Variants in PRICKLE1 observed in about 807,000 individuals in gnomAD.
PRICKLE1 encodes prickle planar cell polarity protein 1.
A neutral mutation model predicts 70.2 loss-of-function variants in PRICKLE1; 14 were observed. That is an observed-to-expected ratio of 0.20 (90% CI 0.13 to 0.31). PRICKLE1 has a LOEUF of 0.31. PRICKLE1 is among the 10% of genes least tolerant of loss of function. PRICKLE1 has a pLI of 1.00. For missense variants in PRICKLE1, 821 were observed against 1,026.2 expected, an observed-to-expected ratio of 0.80 and a Z score of 2.73; for synonymous variants, 357 against 379.9, an observed-to-expected ratio of 0.94 and a Z score of 0.70.
At chr12:42,495,366 G>C (rs1429917170) in intron 1 of PRICKLE1, among the ~76,000 whole-genome samples, 2 of 132,814 alleles carry the variant, frequency 1.5e-5, no homozygotes, top group Admixed American at 8.0e-5. Flanking sequence ...AAGTGACAAA[G>C]CCAGACCTTG....
At chr12:42,549,555 C>T (rs1395873358) in intron 1 of PRICKLE1, among the ~76,000 whole-genome samples, 2 of 152,150 alleles carry the variant, frequency 1.3e-5, no homozygotes, top group African/African-American at 4.8e-5. Flanking sequence ...AGGCACCACA[C>T]ATTCCCTATC....
At chr12:42,480,477 T>TAAGC (rs1938754504) in intron 1 of PRICKLE1, among the ~76,000 whole-genome samples, 1 of 152,222 alleles carries the variant, frequency 6.6e-6, no homozygotes, top group African/African-American at 2.4e-5. Flanking sequence ...ACTTCTCCTA[T>TAAGC]AAGCACAGTA....
intron 1 of PRICKLE1, among the ~76,000 whole-genome samples, chr12:42,500,195 T>C (rs1391489173): frequency 6.6e-6 from 1 of 152,192 alleles, no homozygotes; most frequent in Non-Finnish European, 1.5e-5. Context: ...GGCCAAAACA[T>C]AGGGGACCCT....
intron 1 of PRICKLE1, among the ~76,000 whole-genome samples, chr12:42,563,425 C>T (rs1472826409): frequency 2.0e-5 from 3 of 151,006 alleles, no homozygotes; most frequent in South Asian, 2.1e-4. Context: ...TTTGGCCGGG[C>T]GTGGTGGGTC....
rs573853861 is a variant in PRICKLE1 at position 42,548,986 on chromosome 12, G to A, written c.-49+40479C>T. On this transcript the variant is annotated intron_variant, in intron 1 of 7. Transcript: ENST00000345127. ...AAATACAAAAATTAGCTGTGTGATA[G>A]CTTGTGCCTATATTCCCAGCTATTT... Among the ~76,000 whole-genome samples the A allele has an allele frequency of 1.9e-4, 29 of 151,392 alleles. No individual in the cohort carries two copies. The East Asian group carries it at 5.6e-3, about 29-fold the overall frequency.
intron 5 of PRICKLE1, 97 bp from the exon 6 acceptor site, chr12:42,466,477 A>T (rs1938102088): frequency 9.6e-7 from 1 of 1,046,192 alleles, no homozygotes; most frequent in South Asian, 1.3e-5. Context: ...ATGGACAGAC[A>T]CTGGCTCTTA....
intron 1 of PRICKLE1, among the ~76,000 whole-genome samples, chr12:42,582,299 C>G (rs557701279): frequency 6.6e-6 from 1 of 152,222 alleles, no homozygotes; most frequent in African/African-American, 2.4e-5. Context: ...ATCACTTCAG[C>G]TCCTTTCTCA....
At chr12:42,579,823 T>C (rs1337003142) in intron 1 of PRICKLE1, among the ~76,000 whole-genome samples, 1 of 151,416 alleles carries the variant, frequency 6.6e-6, no homozygotes, top group Non-Finnish European at 1.5e-5. Context: ...TCAAGTAAAG[T>C]AGGTATCATA....
intron 1 of PRICKLE1, among the ~76,000 whole-genome samples, chr12:42,532,253 T>C (rs1939931372): frequency 6.6e-6 from 1 of 152,246 alleles, no homozygotes; most frequent in Non-Finnish European, 1.5e-5. Context: ...ATCAGAGATA[T>C]GTAAAAAACA....
intron 1 of PRICKLE1, among the ~76,000 whole-genome samples, chr12:42,517,991 C>T (rs1939639626): frequency 6.6e-6 from 1 of 151,854 alleles, no homozygotes; most frequent in Non-Finnish European, 1.5e-5. Flanking sequence ...CCAAAGATAA[C>T]ATAATTTAAG....
At chr12:42,501,561 C>A (rs1229264391) in intron 1 of PRICKLE1, among the ~76,000 whole-genome samples, 3 of 142,948 alleles carry the variant, frequency 2.1e-5, no homozygotes, top group African/African-American at 7.6e-5. Context: ...AATTCCTATA[C>A]AAGCAACATT....
chr12:42,499,003 A>G (rs1307363952), intron 1 of PRICKLE1, among the ~76,000 whole-genome samples: 1 of 152,172 alleles, frequency 6.6e-6, no homozygotes, highest in African/African-American at 2.4e-5. Flanking sequence ...TATGTATTAG[A>G]ATTCTGAGTC....
chr12:42,572,483 T>G (rs933476704), intron 1 of PRICKLE1, among the ~76,000 whole-genome samples: 1 of 151,770 alleles, frequency 6.6e-6, no homozygotes, highest in South Asian at 2.1e-4. Flanking sequence ...TAAAAATACT[T>G]GTTTTTAAAA....
At chr12:42,469,825 T>C in intron 3 of PRICKLE1, 1 of 529,920 alleles carries the variant, frequency 1.9e-6, no homozygotes, top group South Asian at 2.1e-5. Flanking sequence ...AAAACCCTTA[T>C]CAACACAGAA....
intron 1 of PRICKLE1, among the ~76,000 whole-genome samples, chr12:42,520,498 T>C (rs901552984): frequency 9.2e-5 from 14 of 152,316 alleles, no homozygotes; most frequent in South Asian, 2.1e-4. Context: ...TTTACTGCAC[T>C]GAGTTGCGAT....
intron 1 of PRICKLE1, among the ~76,000 whole-genome samples, chr12:42,585,178 G>C (rs193296703): frequency 1.4e-4 from 22 of 152,312 alleles, no homozygotes; most frequent in African/African-American, 5.1e-4. Context: ...AAACTTAGGG[G>C]AGAAGAAAGT....
intron 1 of PRICKLE1, among the ~76,000 whole-genome samples, chr12:42,519,983 T>C (rs1939680859): frequency 6.6e-6 from 1 of 152,148 alleles, no homozygotes; most frequent in Non-Finnish European, 1.5e-5. Context: ...GCTTTGAGTG[T>C]TTTAACGGTA....
At chr12:42,562,075 G>C (rs1308278815) in intron 1 of PRICKLE1, among the ~76,000 whole-genome samples, 2 of 151,796 alleles carry the variant, frequency 1.3e-5, no homozygotes, top group East Asian at 3.9e-4. Flanking sequence ...CTGCACCCAG[G>C]TAAGTTTTGT....
At chr12:42,482,326 C>T (rs571822357) in intron 1 of PRICKLE1, among the ~76,000 whole-genome samples, 2 of 152,364 alleles carry the variant, frequency 1.3e-5, no homozygotes, top group East Asian at 3.9e-4. Flanking sequence ...TATCCGCACA[C>T]GAGTATGTAA....
Sources: allele counts gnomAD v4.1 joint callset (sites outside exome capture counted in the v4.1 genomes callset), GRCh38; gene constraint gnomAD v4.1.1; transcripts MANE v1.5; gene names NCBI Gene and HGNC (gene_info 2026-07-23, HGNC 2026-07-21).